ALAS2: variants seen among roughly 807,000 people sequenced by gnomAD.
The protein encoded by ALAS2 is 5-aminolevulinate synthase, erythroid-specific, mitochondrial.
Under a neutral mutation model 33.7 loss-of-function variants are expected in ALAS2, and 3 were observed. The ratio of observed to expected loss-of-function variants is 0.09; its 90% CI spans 0.04 to 0.23. The LOEUF (loss-of-function observed/expected upper bound fraction) is 0.23, where lower values mean the gene tolerates loss of function less well. Ranked by LOEUF, ALAS2 falls within the 10% of genes least tolerant of loss-of-function variation. ALAS2 has a pLI of 1.00. For missense variants in ALAS2, 304 were observed against 475.1 expected (o/e 0.64, Z 3.35); for synonymous variants, 191 against 177.3 (o/e 1.08, Z -0.61).
intron 4 of ALAS2, 50 bp from the exon 5 acceptor site, chrX:55,021,324 T>C (rs1186917634): frequency 9.8e-7 from 1 of 1,019,773 alleles, no homozygotes; most frequent in Admixed American, 2.2e-5. Flanking sequence ...AGTCTCTCCC[T>C]GGCTAGTCTG....
At chrX:55,019,090 A>C (rs1429835205) in intron 6 of ALAS2, among the ~76,000 whole-genome samples, 4 of 111,515 alleles carry the variant, frequency 3.6e-5, no homozygotes, top group Non-Finnish European at 7.5e-5. Flanking sequence ...GACTTCTCTC[A>C]AGCAGTTTGC....
At chrX:55,020,247 T>G (rs1935777930) in intron 6 of ALAS2, 73 bp downstream of exon 6, 1 of 1,040,132 alleles carries the variant, frequency 9.6e-7, no homozygotes, top group Admixed American at 2.5e-5. Context: ...AGGGAAGGAG[T>G]GATGGAACCA....
At chrX:55,017,914 G>A (rs1373604728) in intron 6 of ALAS2, among the ~76,000 whole-genome samples, 2 of 111,786 alleles carry the variant, frequency 1.8e-5, no homozygotes, top group Non-Finnish European at 3.8e-5. Flanking sequence ...GACTGCCTTG[G>A]GGTGGAAGAA....
At chrX:55,030,826 A>G (rs1182510835) in intron 1 of ALAS2, 116 bp downstream of exon 1, 1 of 187,600 alleles carries the variant, frequency 5.3e-6, no homozygotes, top group Non-Finnish European at 1.1e-5. Context: ...GACAGATTCT[A>G]AGAAACAAAC....
intron 4 of ALAS2, among the ~76,000 whole-genome samples, chrX:55,021,947 T>C (rs1935812313): frequency 8.9e-6 from 1 of 112,088 alleles, no homozygotes; most frequent in African/African-American, 3.2e-5. Context: ...CTCACAACAA[T>C]GCTCCATGGA....
In ALAS2 at chrX:55,015,622, C is replaced by T. The variant is rs752853849; in HGVS notation, c.1124G>A (p.Arg375His). The change falls in exon 8 of 11, where the codon CGT (arginine) becomes CAT (histidine). Residue 375 changes from arginine (R) to histidine (H), a missense_variant. Transcript: ENST00000650242. Reference sequence around the variant, plus strand: ...GTCAATCTTATGCATAATTCCATCACGCTCCCCAATCCCAGCGCCCCGGGA... The same window carrying T: ...GTCAATCTTATGCATAATTCCATCATGCTCCCCAATCCCAGCGCCCCGGGA... Reference protein sequence around the residue: ...YGSRGAGIGERDGIMHKIDII... With the variant: ...YGSRGAGIGEHDGIMHKIDII... The T allele has an allele frequency of 9.1e-6, 11 of 1,209,196 alleles. No individual in the cohort carries two copies. The East Asian group carries it at 1.2e-4, about 13-fold the overall frequency.
At chrX:55,010,964 T>A (rs1483185988) in intron 10 of ALAS2, among the ~76,000 whole-genome samples, 3 of 111,219 alleles carry the variant, frequency 2.7e-5, no homozygotes, top group Non-Finnish European at 5.6e-5. Context: ...GTCTACAAGA[T>A]GAAGGAAAGT....
intron 9 of ALAS2, 72 bp downstream of exon 9, chrX:55,014,675 T>A: frequency 9.6e-7 from 1 of 1,040,285 alleles, no homozygotes. Flanking sequence ...GCAACAGATG[T>A]AGGTTTGTTG....
chrX:55,027,910 A>G (rs1157188930), intron 1 of ALAS2: 7 of 687,227 alleles, frequency 1.0e-5, no homozygotes, highest in Non-Finnish European at 1.7e-5. Flanking sequence ...GAAACAATCC[A>G]AGTTAAGCCT....
chrX:55,015,826 A>G, intron 7 of ALAS2, 84 bp from the exon 8 acceptor site: 1 of 1,094,075 alleles, frequency 9.1e-7, no homozygotes, highest in Non-Finnish European at 1.3e-6. Flanking sequence ...ATACATGCCT[A>G]CTTTGGGTTG....
chrX:55,023,787 C>A lies in ALAS2; in HGVS notation c.385G>T (p.Val129Phe). 8.3e-7 allele frequency: 1 copy of A among 1,211,178 alleles called. No homozygotes were observed. Among genetic ancestry groups the A allele is most frequent in the Non-Finnish European group, 1.1e-6 (1 of 895,288 alleles). The change falls in exon 4 of 11, where the codon GTC (valine) becomes TTC (phenylalanine). Residue 129 changes from valine to phenylalanine, a missense_variant. By Grantham distance (50) the Val-to-Phe change is conservative. Around this residue, in one of 3 missense-constraint regions of ALAS2, gnomAD observed 138 missense variants for 265.3 expected, o/e 0.52. Coordinates refer to ENST00000650242, the MANE Select transcript of ALAS2 (RefSeq NM_000032.5). Reference sequence around the variant, plus strand: ...ATATTGTTCTGAATCAGGTGTGTGACCTTCCCAGAGATCTGCTCCTGCTCC... The same window carrying A: ...ATATTGTTCTGAATCAGGTGTGTGAACTTCCCAGAGATCTGCTCCTGCTCC... ...PQEQEQISGK[V>F]THLIQNNMPG... is the part of the protein sequence containing the mutation.
rs780642606 is a variant in ALAS2, at chrX:55,030,960, G to C, written c.-34C>G. The C allele has an allele frequency of 2.9e-6, 1 of 340,491 alleles. No individual in the cohort carries two copies. Among genetic ancestry groups the C allele is most frequent in the Non-Finnish European group, 5.9e-6 (1 of 169,775 alleles). The allele number at this position is 340,491 out of a possible 1,213,427, so 28.1% of individuals were successfully genotyped here. A position where few individuals can be genotyped will look rare whatever the true frequency, so the allele number is the denominator to read the frequency against. ...CTCTTACCTGTTGCCCTGCACTGAG[G>C]ACGAACGAATGACAGGTGGGTACTT... On this transcript the variant is annotated 5_prime_UTR_variant, in exon 1 of 11. Transcript: ENST00000650242.
In ALAS2 at chrX:55,030,068, C is replaced by A. The variant is rs1232287093; in HGVS notation, c.-16+874G>T. On this transcript the variant is annotated intron_variant, in intron 1 of 10. Transcript: ENST00000650242. ...GGCCTTACTTCTCTTCCTAGTACCC[C>A]TTTCCCACCATGAAAGAATCATACA... is the stretch of plus-strand genomic sequence containing the variant. Among the ~76,000 whole-genome samples the A allele has an allele frequency of 2.8e-5, 3 of 108,782 alleles. No individual in the cohort carries two copies. The Admixed American group carries it at 3.0e-4, about 11-fold the overall frequency. The allele number at this position is 108,782 out of a possible 115,157, so 94.5% of individuals were successfully genotyped here.
chrX:55,024,601 G>A (rs1012381360), intron 3 of ALAS2, 117 bp downstream of exon 3: 51 of 1,015,060 alleles, frequency 5.0e-5, no homozygotes, highest in Non-Finnish European at 6.5e-5. Flanking sequence ...GGAAAGACTG[G>A]ACTTCTCATC....
intron 6 of ALAS2, among the ~76,000 whole-genome samples, 153 bp downstream of exon 6, chrX:55,020,167 T>TGCTGCA (rs1935776112): frequency 8.9e-6 from 1 of 111,752 alleles, no homozygotes; most frequent in African/African-American, 3.3e-5. Flanking sequence ...AGGGATATAA[T>TGCTGCA]TATCCAGTGT....
In ALAS2 at chrX:55,029,957, C is replaced by A. The variant is rs753050866; in HGVS notation, c.-16+985G>T. Among the ~76,000 whole-genome samples the A allele has an allele frequency of 4.3e-5, 4 of 92,063 alleles. No homozygotes were observed. In the East Asian group the frequency reaches 1.8e-3, roughly 41 times the overall value. 79.9% of individuals were successfully genotyped at this position (92,063 alleles called of 115,157 possible). On this transcript the variant is annotated intron_variant, in intron 1 of 10. Transcript: ENST00000650242. ...TTGCAGCATTCCTTGTCCCCCACCCCCCCACCCCTTTTGTGGCCTGCTTTG... is the reference window on the plus strand; with the variant it reads ...TTGCAGCATTCCTTGTCCCCCACCCACCCACCCCTTTTGTGGCCTGCTTTG...
chrX:55,024,965 G>T (rs913889105), intron 2 of ALAS2, 125 bp from the exon 3 acceptor site: 23 of 912,750 alleles, frequency 2.5e-5, no homozygotes, highest in Non-Finnish European at 3.6e-5. Context: ...CACAGAGATA[G>T]ATGAGTCTGG....
At chrX:55,020,166 A>G (rs1224465138) in intron 6 of ALAS2, among the ~76,000 whole-genome samples, 154 bp downstream of exon 6, 1 of 111,825 alleles carries the variant, frequency 8.9e-6, no homozygotes, top group African/African-American at 3.3e-5. Context: ...GAGGGATATA[A>G]TTATCCAGTG....
intron 1 of ALAS2, 65 bp from the exon 2 acceptor site, chrX:55,026,080 T>A: frequency 9.5e-7 from 1 of 1,053,533 alleles, no homozygotes; most frequent in Non-Finnish European, 1.3e-6. Flanking sequence ...AAGCCTTTGA[T>A]CCTCGTCTTC....
Sources: allele counts gnomAD v4.1 joint callset (sites outside exome capture counted in the v4.1 genomes callset), GRCh38; gene constraint gnomAD v4.1.1; regional missense constraint gnomAD v4.1.1; transcripts MANE v1.5; gene names NCBI Gene and HGNC (gene_info 2026-07-23, HGNC 2026-07-21).